The following ALDH3B2 variants were observed in gnomAD, a reference collection of about 807,000 sequenced individuals.
ALDH3B2 encodes the protein aldehyde dehydrogenase family 3 member B2.
A neutral mutation model predicts 36.7 loss-of-function variants in ALDH3B2; 45 were observed. That is an observed-to-expected ratio of 1.23 (90% CI 0.97 to 1.57). The LOEUF (loss-of-function observed/expected upper bound fraction) is 1.57. Among genes scored for constraint, ALDH3B2 ranks in the 40% most tolerant of loss-of-function variants. The probability of loss-of-function intolerance (pLI) is 0.00; values close to 1 mark genes in which losing one functional copy is unlikely to be tolerated. For synonymous variants in ALDH3B2, 217 were observed against 226.5 expected (o/e 0.96, Z 0.38); for missense variants, 464 against 513.3 (o/e 0.90, Z 0.93).
chr11:67,670,814 G>A (rs1221980724), intron 1 of ALDH3B2, among the ~76,000 whole-genome samples: 1 of 152,148 alleles, frequency 6.6e-6, no homozygotes. Context: ...CGGCCCCCCT[G>A]CATGAGGGCC....
rs546405935 is a variant in ALDH3B2, at chr11:67,667,541, C to G, written c.-150G>C. 6 of 384,466 alleles carry G rather than the reference C, an allele frequency of 1.6e-5. No individual in the cohort carries two copies. The South Asian group carries it at 3.0e-4, about 19-fold the overall frequency. The allele number at this position is 384,466 out of a possible 1,614,324, so 23.8% of individuals were successfully genotyped here. The stretch of plus-strand genomic sequence containing the variant: ...TTTTCTTGAAGGAAGTGGCCCAGGC[C>G]CTGGAGCTGCGCAGCCCGGAACTCG... On this transcript the variant is annotated 5_prime_UTR_variant, in exon 2 of 10. Transcript: ENST00000349015.
chr11:67,664,668 T>G, intron 7 of ALDH3B2, 106 bp from the exon 8 acceptor site: 2 of 1,465,322 alleles, frequency 1.4e-6, no homozygotes, highest in Non-Finnish European at 1.8e-6. Context: ...CAGGCCAGGA[T>G]CCCAAGGTCT....
At chr11:67,672,070 T>C (rs1266474733) in intron 1 of ALDH3B2, among the ~76,000 whole-genome samples, 4 of 85,616 alleles carry the variant, frequency 4.7e-5, no homozygotes, top group African/African-American at 1.5e-4. Flanking sequence ...TATATATATA[T>C]ATATATATAT....
At chr11:67,677,531 A>G (rs1856293681), upstream of ALDH3B2, among the ~76,000 whole-genome samples, 1 of 152,192 alleles carries the variant, frequency 6.6e-6, no homozygotes, top group Non-Finnish European at 1.5e-5. Context: ...GGCTTCCCGC[A>G]GAGAACCGGA....
intron 1 of ALDH3B2, among the ~76,000 whole-genome samples, chr11:67,672,006 G>A (rs1375280193): frequency 7.7e-6 from 1 of 129,100 alleles, no homozygotes; most frequent in Non-Finnish European, 1.6e-5. Flanking sequence ...CCTGCTTCAA[G>A]CTGTCCCTGC....
At chr11:67,676,658 CA>C (rs1024087411), upstream of ALDH3B2, among the ~76,000 whole-genome samples, 20 of 151,710 alleles carry the variant, frequency 1.3e-4, no homozygotes, top group African/African-American at 4.6e-4. Context: ...GTAAATGAAA[CA>C]AAAACTTGTT....
chr11:67,667,161 T>C, intron 2 of ALDH3B2, 145 bp from the exon 3 acceptor site: 1 of 602,262 alleles, frequency 1.7e-6, no homozygotes, highest in Non-Finnish European at 3.0e-6. Context: ...CCCTGGGAAC[T>C]GCGCATGGCT....
At chr11:67,679,651 C>A (rs543380502), upstream of ALDH3B2, among the ~76,000 whole-genome samples, 6 of 151,608 alleles carry the variant, frequency 4.0e-5, no homozygotes, top group South Asian at 1.3e-3. Flanking sequence ...TGGTAGCAGG[C>A]ACCTGTAGTC....
At chr11:67,673,785 C>T (rs1485756214) in intron 1 of ALDH3B2, 1 of 152,224 alleles carries the variant, frequency 6.6e-6, no homozygotes, top group Non-Finnish European at 1.5e-5. Flanking sequence ...TTGATTTGCC[C>T]TCCTCACAGC....
Position 67,666,424 on chromosome 11 carries a change from C to T in ALDH3B2, c.152-23G>A, listed in dbSNP as rs199699273. 3.3e-4 allele frequency: 523 copies of T among 1,607,702 alleles called. No homozygotes were observed. The African/African-American group carries it at 6.1e-3, about 19-fold the overall frequency. On this transcript the variant is annotated intron_variant, in intron 4 of 9. Transcript: ENST00000349015. ...TCCCTGCAGGGGCAGATGGGGACGT[C>T]GTTGGGGGAGCCCAGGGTCCCCATG...
chr11:67,664,533 T>C (rs1855843240), exon 8 of ALDH3B2: 1 of 1,613,562 alleles, frequency 6.2e-7, no homozygotes, highest in African/African-American at 1.3e-5. Flanking sequence ...ACAGGCTCCG[T>C]CTCCTGCACG....
chr11:67,663,897 A>G (rs971170836), intron 8 of ALDH3B2, 136 bp from the exon 9 acceptor site: 3 of 702,812 alleles, frequency 4.3e-6, no homozygotes, highest in Admixed American at 3.0e-5. Context: ...CTCCGCTCTA[A>G]GCATCTTCTG....
chr11:67,678,722 TAC>T (rs1476838638), upstream of ALDH3B2, among the ~76,000 whole-genome samples: 1 of 150,120 alleles, frequency 6.7e-6, no homozygotes, highest in Non-Finnish European at 1.5e-5. Flanking sequence ...TATATATATA[TAC>T]ACGCTATGGC....
In ALDH3B2 at chr11:67,663,687, CA is replaced by C. The variant is rs752372318; in HGVS notation, c.947del (p.Leu316ArgfsTer42). 11 of 1,612,438 alleles carry C rather than the reference CA, an allele frequency of 6.8e-6. No homozygotes were observed. The highest frequency in any genetic ancestry group is 3.3e-5 in the Admixed American group (2 of 59,962). On this transcript the variant is annotated frameshift_variant, in exon 9 of 10. Transcript: ENST00000349015. LOFTEE classifies it low-confidence loss of function (END_TRUNC). ...CGACTCCCCCGAATGGCACGGACAG[CA>C]GAGATATGTAGGTGAAGCCCTCATT...
At chr11:67,667,053 G>C (rs1565247652) in intron 2 of ALDH3B2, 37 bp from the exon 3 acceptor site, 1 of 1,306,390 alleles carries the variant, frequency 7.7e-7, no homozygotes, top group Non-Finnish European at 1.1e-6. Flanking sequence ...GTCAGGCCCA[G>C]ACCTGGGCCA....
upstream of ALDH3B2, among the ~76,000 whole-genome samples, chr11:67,678,721 A>ATG (rs1465542505): frequency 6.7e-6 from 1 of 149,356 alleles, no homozygotes; most frequent in Non-Finnish European, 1.5e-5. Context: ...ATATATATAT[A>ATG]TACACGCTAT....
At chr11:67,664,421 A>G (rs1282253481) in exon 8 of ALDH3B2, 2 of 1,614,148 alleles carry the variant, frequency 1.2e-6, no homozygotes, top group Non-Finnish European at 8.5e-7. Flanking sequence ...GAAGGCGTAC[A>G]GGGCCAGGGG....
chr11:67,666,758 C>CT, intron 3 of ALDH3B2, 64 bp from the exon 4 acceptor site: 3 of 1,609,526 alleles, frequency 1.9e-6, no homozygotes, highest in Non-Finnish European at 2.5e-6. Flanking sequence ...CCACTGCACA[C>CT]TTGGGGCCTC....
upstream of ALDH3B2, among the ~76,000 whole-genome samples, chr11:67,675,165 G>A (rs530909111): frequency 2.0e-5 from 3 of 152,290 alleles, no homozygotes; most frequent in East Asian, 3.9e-4. Context: ...CTTGATGGGC[G>A]ACGGCACCTG....
Sources: gnomAD v4.1 joint callset for allele counts (sites outside exome capture counted in the v4.1 genomes callset) on GRCh38, gnomAD v4.1.1 for gene constraint, MANE v1.5 for transcripts, NCBI Gene and HGNC (gene_info 2026-07-23, HGNC 2026-07-21) for gene names.